The following DMD variants were observed in gnomAD, a reference collection of about 807,000 sequenced individuals.
The protein encoded by DMD is dystrophin.
A neutral mutation model predicts 330.1 loss-of-function variants in DMD; 63 were observed. That is an observed-to-expected ratio of 0.19 (90% confidence interval 0.16 to 0.24). The LOEUF (loss-of-function observed/expected upper bound fraction) is 0.24. Among genes scored for constraint, DMD ranks in the 10% least tolerant of loss-of-function variants. The probability of loss-of-function intolerance (pLI) is 1.00; values close to 1 mark genes in which losing one functional copy is unlikely to be tolerated. For missense variants in DMD, 3,344 were observed against 2,684.1 expected (o/e 1.25, Z -5.43); for synonymous variants, 1,223 against 959.8 (o/e 1.27, Z -5.07).
intron 62 of DMD, among the ~76,000 whole-genome samples, chrX:31,270,745 G>A (rs965339830): frequency 8.9e-6 from 1 of 112,002 alleles, no homozygotes; most frequent in African/African-American, 3.3e-5. Context: ...TGTCCGGTTT[G>A]TCTTTTAGAA....
chrX:31,181,665 A>T (rs1236495029), intron 68 of DMD, among the ~76,000 whole-genome samples: 1 of 112,258 alleles, frequency 8.9e-6, no homozygotes, highest in Non-Finnish European at 1.9e-5. Flanking sequence ...GTTTTTGTAA[A>T]ACCTCTTTGT....
intron 59 of DMD, among the ~76,000 whole-genome samples, chrX:31,467,903 T>C (rs775848636): frequency 5.4e-5 from 6 of 111,793 alleles, no homozygotes; most frequent in African/African-American, 1.6e-4. Flanking sequence ...GGAGGGTGTA[T>C]GTGTCCAGAA....
intron 2 of DMD, among the ~76,000 whole-genome samples, chrX:32,883,376 C>T (rs754033759): frequency 9.0e-6 from 1 of 110,614 alleles, no homozygotes; most frequent in African/African-American, 3.3e-5. Flanking sequence ...CTGGTAATTG[C>T]TTCTTTCTTA....
intron 4 of DMD, among the ~76,000 whole-genome samples, chrX:32,823,883 C>T (rs1458914999): frequency 3.6e-5 from 4 of 111,491 alleles, no homozygotes; most frequent in Non-Finnish European, 7.5e-5. Context: ...AAATGAAAAT[C>T]TGGCAGGGTT....
intron 28 of DMD, 92 bp downstream of exon 28, chrX:32,441,088 G>A: frequency 1.0e-6 from 1 of 970,028 alleles, no homozygotes; most frequent in African/African-American, 1.9e-5. Context: ...ACTCTCTTGG[G>A]TTGTTTTCTT....
chrX:32,990,541 T>C (rs966024661), intron 2 of DMD, among the ~76,000 whole-genome samples: 5 of 112,056 alleles, frequency 4.5e-5, no homozygotes, highest in African/African-American at 1.6e-4. Flanking sequence ...TAAGAGAAGT[T>C]ATTGAGTTGC....
Position 32,438,853 on chromosome X carries a change from GT to G in DMD, c.3922-464del, listed in dbSNP as rs2098271059. On this transcript the variant is annotated intron_variant, in intron 28 of 78. Transcript: ENST00000357033. ...GGGAGGCAATGACTTTGAGTGTGAG[GT>G]CCTTCATGCTCAGGAAGAGAGAGCA... Among the ~76,000 whole-genome samples the G allele has an allele frequency of 1.8e-5, 2 of 111,661 alleles. 1 individual carries two copies. The highest frequency in any genetic ancestry group is 7.5e-4 in the South Asian group (2 of 2,661).
chrX:32,088,758 C>T (rs12840034), intron 44 of DMD, among the ~76,000 whole-genome samples: 28,507 of 108,447 alleles, frequency 0.26, 2,893 homozygotes, highest in Admixed American at 0.34. Context: ...CAAATACTGC[C>T]ATGCACAATC....
intron 1 of DMD, among the ~76,000 whole-genome samples, chrX:33,062,679 G>A (rs2094596615): frequency 9.0e-6 from 1 of 110,842 alleles, no homozygotes; most frequent in Admixed American, 9.6e-5. Flanking sequence ...GTTTCACCAC[G>A]TTGGCCAGGC....
At chrX:33,127,085 T>C (rs1347305814) in intron 1 of DMD, among the ~76,000 whole-genome samples, 1 of 111,022 alleles carries the variant, frequency 9.0e-6, no homozygotes, top group East Asian at 2.8e-4. Flanking sequence ...GAGATCCAAA[T>C]AGACTTTTAA....
intron 1 of DMD, among the ~76,000 whole-genome samples, chrX:33,064,055 AATTG>A (rs1296566917): frequency 9.0e-6 from 1 of 111,509 alleles, no homozygotes; most frequent in African/African-American, 3.3e-5. Flanking sequence ...AAATAGACAT[AATTG>A]ATTGCCTTAG....
At chrX:31,123,169 G>A (rs1421805146) in intron 78 of DMD, among the ~76,000 whole-genome samples, 5 of 111,470 alleles carry the variant, frequency 4.5e-5, no homozygotes, top group Middle Eastern at 4.6e-3. Flanking sequence ...AAAATGAAGC[G>A]GATTCACGGG....
intron 44 of DMD, among the ~76,000 whole-genome samples, chrX:31,986,972 AG>A (rs1013792670): frequency 1.3e-4 from 15 of 111,864 alleles, no homozygotes; most frequent in Non-Finnish European, 2.8e-4. Flanking sequence ...GTGAAGGGAA[AG>A]GTATTCTCTC....
chrX:31,681,744 G>A (rs1262479134), intron 52 of DMD, among the ~76,000 whole-genome samples: 2 of 112,850 alleles, frequency 1.8e-5, no homozygotes, highest in Admixed American at 9.3e-5. Flanking sequence ...TGTAAGTAAA[G>A]TCCTTTTTAA....
intron 44 of DMD, among the ~76,000 whole-genome samples, chrX:32,085,970 T>C (rs1272230610): frequency 8.9e-6 from 1 of 112,025 alleles, no homozygotes; most frequent in Non-Finnish European, 1.9e-5. Context: ...TCAATAAAAC[T>C]GTTATATTTA....
chrX:31,922,083 G>A (rs777316734), intron 47 of DMD, among the ~76,000 whole-genome samples: 2 of 111,437 alleles, frequency 1.8e-5, no homozygotes, highest in African/African-American at 3.3e-5. Flanking sequence ...TCACTTTAAT[G>A]TTCCCTCGCC....
intron 60 of DMD, among the ~76,000 whole-genome samples, chrX:31,404,182 G>A (rs1346129078): frequency 9.0e-6 from 1 of 110,892 alleles, no homozygotes; most frequent in Non-Finnish European, 1.9e-5. Flanking sequence ...AAATCTCAGG[G>A]TCGTATGCCC....
chrX:31,204,536 T>C (rs144579812), intron 66 of DMD, among the ~76,000 whole-genome samples: 3 of 112,416 alleles, frequency 2.7e-5, no homozygotes, highest in Non-Finnish European at 5.6e-5. Flanking sequence ...TGTACCACAG[T>C]TGGGACTTCT....
intron 9 of DMD, among the ~76,000 whole-genome samples, chrX:32,684,221 G>A (rs779987977): frequency 1.0e-5 from 1 of 99,544 alleles, no homozygotes; most frequent in East Asian, 2.9e-4. Context: ...ATTGCTGTAT[G>A]TATATACCCA....
Sources: allele counts gnomAD v4.1 joint callset (sites outside exome capture counted in the v4.1 genomes callset), GRCh38; gene constraint gnomAD v4.1.1; transcripts MANE v1.5; gene names NCBI Gene and HGNC (gene_info 2026-07-23, HGNC 2026-07-21).